Variants in SDK1 observed in about 807,000 individuals in gnomAD.
The protein encoded by SDK1 is protein sidekick-1.
Under a neutral mutation model 245.5 loss-of-function variants are expected in SDK1, and 157 were observed. The ratio of observed to expected loss-of-function variants is 0.64; its 90% CI spans 0.56 to 0.73. The LOEUF (loss-of-function observed/expected upper bound fraction) is 0.73, where lower values mean the gene tolerates loss of function less well. Ranked by LOEUF, SDK1 falls within the 30% of genes least tolerant of loss-of-function variation. The probability of loss-of-function intolerance (pLI) is 0.00; values close to 1 mark genes in which losing one functional copy is unlikely to be tolerated. For missense variants in SDK1, 3,583 were observed against 3,002.3 expected (o/e 1.19, Z -4.52); for synonymous variants, 1,647 against 1,278.5 (o/e 1.29, Z -6.15).
intron 4 of SDK1, among the ~76,000 whole-genome samples, chr7:3,688,185 C>A (rs973012987): frequency 7.2e-5 from 11 of 152,202 alleles, no homozygotes; most frequent in African/African-American, 2.7e-4. Flanking sequence ...ATTACTATTT[C>A]AAAACAACTG....
At chr7:4,047,345 G>T (rs377350412) in intron 17 of SDK1, among the ~76,000 whole-genome samples, 3 of 152,100 alleles carry the variant, frequency 2.0e-5, no homozygotes, top group South Asian at 2.1e-4. Context: ...GATACACCTC[G>T]CTTGATCAGG....
intron 1 of SDK1, among the ~76,000 whole-genome samples, chr7:3,423,051 T>C (rs1319411589): frequency 6.6e-6 from 1 of 152,220 alleles, no homozygotes; most frequent in Non-Finnish European, 1.5e-5. Flanking sequence ...TTAAAATATT[T>C]CCTTTTAACT....
At chr7:3,323,217 C>G (rs1392575816) in intron 1 of SDK1, among the ~76,000 whole-genome samples, 2 of 152,314 alleles carry the variant, frequency 1.3e-5, no homozygotes, top group East Asian at 1.9e-4. Context: ...TTTCAGTCTT[C>G]ACCAAGTCTG....
At chr7:4,027,708 T>C (rs1354234407) in intron 17 of SDK1, among the ~76,000 whole-genome samples, 1 of 152,162 alleles carries the variant, frequency 6.6e-6, no homozygotes, top group East Asian at 1.9e-4. Flanking sequence ...GTGTTGCAAA[T>C]AAGCTTTATA....
At chr7:3,595,806 C>T (rs535682256) in intron 1 of SDK1, among the ~76,000 whole-genome samples, 41 of 107,248 alleles carry the variant, frequency 3.8e-4, no homozygotes, top group Admixed American at 2.0e-3. Context: ...CCAGCCTGGT[C>T]GACAGAGTTA....
At chr7:3,654,455 T>G (rs2128656988) in intron 4 of SDK1, among the ~76,000 whole-genome samples, 1 of 152,310 alleles carries the variant, frequency 6.6e-6, no homozygotes, top group South Asian at 2.1e-4. Context: ...GGATTTCGTG[T>G]TTTCTTTCAG....
chr7:3,539,101 A>T (rs1033085843), intron 1 of SDK1, among the ~76,000 whole-genome samples: 14 of 152,182 alleles, frequency 9.2e-5, no homozygotes, highest in African/African-American at 3.4e-4. Context: ...AAGCAGACAG[A>T]TTATATTAGC....
chr7:3,867,747 T>C (rs1780856882), intron 5 of SDK1, among the ~76,000 whole-genome samples: 1 of 152,206 alleles, frequency 6.6e-6, no homozygotes, highest in Non-Finnish European at 1.5e-5. Flanking sequence ...TCACTTAAAA[T>C]ATGGTTTTTG....
chr7:3,810,413 G>A (rs1779356526), intron 4 of SDK1, among the ~76,000 whole-genome samples: 1 of 151,922 alleles, frequency 6.6e-6, no homozygotes, highest in Admixed American at 6.6e-5. Flanking sequence ...CCTGGGCTCT[G>A]TAAAAACTCC....
intron 4 of SDK1, among the ~76,000 whole-genome samples, chr7:3,806,316 A>C (rs1032104624): frequency 8.4e-6 from 1 of 118,766 alleles, no homozygotes; most frequent in African/African-American, 5.3e-5. Flanking sequence ...GTGGATGTCC[A>C]CATTAGGATG....
chr7:3,962,108 C>T (rs762655888), intron 8 of SDK1, among the ~76,000 whole-genome samples: 2 of 152,196 alleles, frequency 1.3e-5, no homozygotes, highest in Non-Finnish European at 2.9e-5. Flanking sequence ...TGCACAGACA[C>T]ACAAACACAT....
At chr7:3,672,113 C>T (rs974919115) in intron 4 of SDK1, among the ~76,000 whole-genome samples, 3 of 152,084 alleles carry the variant, frequency 2.0e-5, no homozygotes, top group Non-Finnish European at 2.9e-5. Flanking sequence ...TTCCTGGTAA[C>T]TCTGAGGAGT....
chr7:4,020,840 A>C (rs1473504425), intron 17 of SDK1, among the ~76,000 whole-genome samples: 1 of 152,194 alleles, frequency 6.6e-6, no homozygotes, highest in Admixed American at 6.5e-5. Flanking sequence ...TGTGGCATTT[A>C]CACCTGTCCT....
intron 1 of SDK1, among the ~76,000 whole-genome samples, chr7:3,392,981 C>T (rs7790967): frequency 0.75 from 89,185 of 118,974 alleles, 31,295 homozygotes; most frequent in South Asian, 0.84. Context: ...TTTTTTTTTT[C>T]TTTTTTGAGA....
At chr7:3,587,317 G>T (rs926284595) in intron 1 of SDK1, among the ~76,000 whole-genome samples, 6 of 152,052 alleles carry the variant, frequency 3.9e-5, no homozygotes, top group Non-Finnish European at 5.9e-5. Context: ...GTGTGTGTGT[G>T]TGTGTGTGTG....
chr7:3,359,779 G>C (rs1320147532), intron 1 of SDK1, among the ~76,000 whole-genome samples: 1 of 152,080 alleles, frequency 6.6e-6, no homozygotes, highest in African/African-American at 2.4e-5. Context: ...GAACTCTTTG[G>C]GGGATGTGAC....
chr7:3,833,621 G>T (rs775830479), intron 5 of SDK1, among the ~76,000 whole-genome samples: 1 of 152,170 alleles, frequency 6.6e-6, no homozygotes, highest in Non-Finnish European at 1.5e-5. Flanking sequence ...TTGGTGATTG[G>T]TTCATTTCCG....
At chr7:3,417,202 G>C (rs1406720422) in intron 1 of SDK1, among the ~76,000 whole-genome samples, 1 of 152,056 alleles carries the variant, frequency 6.6e-6, no homozygotes, top group East Asian at 1.9e-4. Context: ...AAAAACTAGC[G>C]AGCCCTACAG....
chr7:3,701,176 G>A (rs1784729603), intron 4 of SDK1, among the ~76,000 whole-genome samples: 1 of 152,138 alleles, frequency 6.6e-6, no homozygotes, highest in African/African-American at 2.4e-5. Flanking sequence ...GAAATTGACA[G>A]AGAATACAAT....
Sources: allele counts gnomAD v4.1 joint callset (sites outside exome capture counted in the v4.1 genomes callset), GRCh38; gene constraint gnomAD v4.1.1; transcripts MANE v1.5; gene names NCBI Gene and HGNC (gene_info 2026-07-23, HGNC 2026-07-21).